The following PIGU variants were observed in gnomAD, a reference collection of about 807,000 sequenced individuals.
PIGU encodes GPI-anchor transamidase component PIGU.
Under a neutral mutation model 49.9 loss-of-function variants are expected in PIGU, and 24 were observed. The ratio of observed to expected loss-of-function variants is 0.48; its 90% CI spans 0.35 to 0.68. The LOEUF is 0.68. PIGU is among the 30% of genes least tolerant of loss of function. The probability of loss-of-function intolerance (pLI) is 0.01; values close to 1 mark genes in which losing one functional copy is unlikely to be tolerated. For synonymous variants in PIGU, 220 were observed against 205.7 expected (o/e 1.07, Z -0.59); for missense variants, 490 against 532.6 (o/e 0.92, Z 0.79).
chr20:34,669,245 C>G lies in PIGU; in HGVS notation c.130+7711G>C, dbSNP rs146701556. 4.0e-3 allele frequency among the ~76,000 whole-genome samples: 602 copies of G among 152,162 alleles called. 3 individuals are homozygous for G. The highest frequency in any genetic ancestry group is 5.4e-3 in the Non-Finnish European group (369 of 68,004). On this transcript the variant is annotated intron_variant, in intron 1 of 11. Coordinates refer to ENST00000217446, the MANE Select transcript of PIGU (RefSeq NM_080476.5). ...AATAGTATTGTACCAATGCTATCATCTTAGTTTTGATCACTGTACTATGAC... is the reference window on the plus strand; with the variant it reads ...AATAGTATTGTACCAATGCTATCATGTTAGTTTTGATCACTGTACTATGAC...
intron 6 of PIGU, among the ~76,000 whole-genome samples, chr20:34,631,836 C>T (rs1294806623): frequency 4.8e-5 from 4 of 84,136 alleles, no homozygotes; most frequent in African/African-American, 1.7e-4. Context: ...GGGGTTTCAC[C>T]GTGTTTTCTT....
chr20:34,635,875 CA>C (rs796668421), intron 5 of PIGU, among the ~76,000 whole-genome samples: 149 of 134,728 alleles, frequency 1.1e-3, no homozygotes, highest in Non-Finnish European at 1.3e-3. Flanking sequence ...AGCTCAGTCT[CA>C]AAAAAAAAAA....
At chr20:34,648,587 C>T (rs1004647416) in intron 2 of PIGU, among the ~76,000 whole-genome samples, 3 of 152,034 alleles carry the variant, frequency 2.0e-5, no homozygotes, top group Non-Finnish European at 4.4e-5. Flanking sequence ...CTCACTCTGT[C>T]GGCCAGGCAG....
chr20:34,604,853 A>G (rs1470956154), intron 7 of PIGU, among the ~76,000 whole-genome samples: 1 of 152,174 alleles, frequency 6.6e-6, no homozygotes, highest in Non-Finnish European at 1.5e-5. Flanking sequence ...AGCAAAACCA[A>G]AAGAGTACTC....
intron 6 of PIGU, among the ~76,000 whole-genome samples, chr20:34,618,653 G>A (rs1284690182): frequency 1.3e-5 from 2 of 152,198 alleles, no homozygotes; most frequent in African/African-American, 2.4e-5. Flanking sequence ...TGGGTGTGGT[G>A]TTACACACCT....
intron 5 of PIGU, among the ~76,000 whole-genome samples, chr20:34,636,183 AGAGT>A (rs1458581840): frequency 1.3e-5 from 2 of 152,104 alleles, no homozygotes; most frequent in Admixed American, 1.3e-4. Context: ...CCTGGGTGAC[AGAGT>A]GAGACTCCAT....
chr20:34,643,865 G>A, intron 4 of PIGU: 1 of 157,468 alleles, frequency 6.4e-6, no homozygotes, highest in Non-Finnish European at 1.4e-5. Context: ...CCTCATTAAC[G>A]ACAGGTAATA....
chr20:34,579,184 A>G (rs541010857), intron 10 of PIGU: 2 of 152,330 alleles, frequency 1.3e-5, no homozygotes, highest in East Asian at 3.9e-4. Context: ...TCGCTATACA[A>G]TAGTAATAAA....
rs1313449049 is a variant in PIGU, at chr20:34,560,752, A to C, written c.*114T>G. ...TGGTACCAGAGACTTGTGACCCTGG[A>C]CTCGAACCTCTTCTGCCCAAGCACT... On this transcript the variant is annotated 3_prime_UTR_variant, in exon 12 of 12. Coordinates refer to ENST00000217446, the MANE Select transcript of PIGU (RefSeq NM_080476.5). The C allele has an allele frequency of 5.7e-6, 4 of 701,078 alleles. No homozygotes were observed. Among genetic ancestry groups the C allele is most frequent in the Non-Finnish European group, 8.9e-6 (4 of 449,570 alleles). The allele number at this position is 701,078 out of a possible 1,614,324, so 43.4% of individuals were successfully genotyped here.
intron 7 of PIGU, among the ~76,000 whole-genome samples, chr20:34,589,200 A>G (rs1983843154): frequency 1.3e-5 from 2 of 152,098 alleles, no homozygotes; most frequent in Admixed American, 1.3e-4. Flanking sequence ...TAAAGTTATG[A>G]TAGTATTAGC....
chr20:34,561,625 C>T lies in PIGU; in HGVS notation c.1195-646G>A, dbSNP rs117902917. On this transcript the variant is annotated intron_variant, in intron 11 of 11. Coordinates refer to ENST00000217446, the MANE Select transcript of PIGU (RefSeq NM_080476.5). ...GCCAGAGGGAGCTTTTCAAAACCCA[C>T]ATCTGATGGTGTTACTTCCAGCCTT... Among the ~76,000 whole-genome samples, 505 of 152,268 alleles carry T rather than the reference C, an allele frequency of 3.3e-3. 3 individuals carry two copies. Among genetic ancestry groups the T allele is most frequent in the Non-Finnish European group, 3.4e-3 (232 of 68,010 alleles).
intron 10 of PIGU, 103 bp from the exon 11 acceptor site, chr20:34,575,349 G>A (rs1412074393): frequency 5.0e-6 from 7 of 1,394,688 alleles, no homozygotes; most frequent in Admixed American, 2.3e-5. Flanking sequence ...TGAGCATCAT[G>A]TAGCTCAAAG....
intron 9 of PIGU, among the ~76,000 whole-genome samples, chr20:34,584,500 T>TG (rs1491508285): frequency 7.1e-6 from 1 of 139,938 alleles, no homozygotes; most frequent in Admixed American, 7.3e-5. Flanking sequence ...CCACAACTCC[T>TG]GTTCTTTTTT....
intron 2 of PIGU, among the ~76,000 whole-genome samples, chr20:34,650,752 C>T (rs1986518498): frequency 1.3e-5 from 1 of 77,314 alleles, no homozygotes; most frequent in African/African-American, 5.0e-5. Flanking sequence ...CTCATTCTGT[C>T]ATCCAGTCGG....
Position 34,585,447 on chromosome 20 carries a change from T to C in PIGU, c.916A>G (p.Ile306Val). 6.2e-7 allele frequency: 1 copy of C among 1,614,142 alleles called. No individual in the cohort carries two copies. The highest frequency in any genetic ancestry group is 8.5e-7 in the Non-Finnish European group (1 of 1,179,972). ...NVFFYTIPLA[I>V]KLKEHPIFFM... ...GGTCCAGCCACTTACTTTAGCTTTA[T>C]GGCTAAGGGGATGGTGTAGAAGAAG... The change falls in exon 9 of 12, where the codon ATA (isoleucine) becomes GTA (valine). Residue 306 changes from isoleucine (I) to valine (V), a missense_variant. Physicochemically the swap from Ile to Val is conservative, Grantham distance 29 (BLOSUM62 3). Transcript: ENST00000217446.
At chr20:34,676,836 G>A in intron 1 of PIGU, 120 bp downstream of exon 1, 1 of 923,240 alleles carries the variant, frequency 1.1e-6, no homozygotes, top group South Asian at 1.4e-5. Flanking sequence ...AGAACCCCAC[G>A]AGACAGTCAG....
chr20:34,653,433 A>C (rs1010088447), intron 2 of PIGU, among the ~76,000 whole-genome samples: 1 of 152,232 alleles, frequency 6.6e-6, no homozygotes, highest in Non-Finnish European at 1.5e-5. Flanking sequence ...TTTGATACAT[A>C]AGCATTTAGT....
chr20:34,665,899 T>C (rs996119309), intron 1 of PIGU, among the ~76,000 whole-genome samples: 2 of 152,080 alleles, frequency 1.3e-5, no homozygotes, highest in Non-Finnish European at 2.9e-5. Flanking sequence ...TTCTAATATA[T>C]ATAAAAATGT....
At position 34,575,149 on chromosome 20, in the gene PIGU, G is replaced by C; in HGVS notation, c.1149C>G (p.Asn383Lys). Residue 383 changes from asparagine to lysine, a missense_variant, in exon 11 of 12, where the codon AAC becomes AAG. Physicochemically the swap from Asn to Lys is moderately conservative, Grantham distance 94. Coordinates refer to ENST00000217446, the MANE Select transcript of PIGU (RefSeq NM_080476.5). ...WHLWIYAGSA[N>K]SNFFYAITLT... is the part of the protein sequence containing the mutation. ...GTGTGATGGCATAAAAGAAATTAGA[G>C]TTGGCACTTCCTGCATAAATCCAGA... The C allele has an allele frequency of 6.2e-7, 1 of 1,614,176 alleles. No individual in the cohort carries two copies. Among genetic ancestry groups the C allele is most frequent in the South Asian group, 1.1e-5 (1 of 91,090 alleles).
Sources: gnomAD v4.1 joint callset for allele counts (sites outside exome capture counted in the v4.1 genomes callset) on GRCh38, gnomAD v4.1.1 for gene constraint, MANE v1.5 for transcripts, NCBI Gene and HGNC (gene_info 2026-07-23, HGNC 2026-07-21) for gene names.